The following TEX26 variants were observed in gnomAD, a reference collection of about 807,000 sequenced individuals.
TEX26 encodes testis expressed 26, also known as testis-expressed protein 26.
In TEX26, 34 loss-of-function variants were observed where a neutral mutation model predicts 35.3. The ratio of observed to expected loss-of-function variants is 0.96; its 90% confidence interval spans 0.73 to 1.28. The LOEUF (loss-of-function observed/expected upper bound fraction) is 1.28, where lower values mean the gene tolerates loss of function less well. Ranked by LOEUF, TEX26 falls within the 50% of genes most tolerant of loss-of-function variation. TEX26 has a pLI of 0.00. For missense variants in TEX26, 371 were observed against 330.1 expected (o/e 1.12, Z -0.96); for synonymous variants, 136 against 111.8 (o/e 1.22, Z -1.36).
chr13:30,951,266 G>A (rs1481563225), intron 2 of TEX26, among the ~76,000 whole-genome samples: 1 of 151,604 alleles, frequency 6.6e-6, no homozygotes, highest in East Asian at 1.9e-4. Flanking sequence ...TGAGGTGGGA[G>A]GATAGATTGA....
In TEX26 at chr13:30,975,119, C is replaced by A. The variant is rs117334907; in HGVS notation, c.*212C>A. ...TCCCTGAACATAGCTTTAGCTGTAT[C>A]CAATAGTTTTTGATACAATGTTTTT... On this transcript the variant is annotated 3_prime_UTR_variant, in exon 7 of 7. Transcript: ENST00000380473. 2,253 of 365,694 alleles carry A rather than the reference C, an allele frequency of 6.2e-3. 27 individuals are homozygous for A. Among genetic ancestry groups the A allele is most frequent in the Non-Finnish European group, 4.4e-3 (911 of 205,270 alleles). The allele number at this position is 365,694 out of a possible 1,614,324, so 22.7% of individuals were successfully genotyped here.
intron 2 of TEX26, among the ~76,000 whole-genome samples, chr13:30,946,210 A>G (rs1035739905): frequency 6.6e-6 from 1 of 151,818 alleles, no homozygotes. Flanking sequence ...TTCTAGCTCT[A>G]AAATTATTCT....
chr13:30,952,145 G>T (rs1384961441), intron 2 of TEX26, among the ~76,000 whole-genome samples: 2 of 150,528 alleles, frequency 1.3e-5, no homozygotes, highest in Non-Finnish European at 3.0e-5. Context: ...TTTTGGCAAA[G>T]ATATTTAATA....
At chr13:30,946,479 A>G (rs577340415) in intron 2 of TEX26, among the ~76,000 whole-genome samples, 30 of 152,058 alleles carry the variant, frequency 2.0e-4, no homozygotes, top group African/African-American at 7.2e-4. Context: ...CCATTGCTGG[A>G]GAGCTAGTGT....
At chr13:30,968,836 T>C in intron 5 of TEX26, 49 bp from the exon 6 acceptor site, 1 of 1,575,248 alleles carries the variant, frequency 6.3e-7, no homozygotes, top group Non-Finnish European at 8.7e-7. Flanking sequence ...AAGACTGGTG[T>C]GCTTGGGTGC....
At chr13:30,942,886 C>CTAT (rs1177333500) in intron 2 of TEX26, among the ~76,000 whole-genome samples, 2 of 152,126 alleles carry the variant, frequency 1.3e-5, no homozygotes, top group African/African-American at 2.4e-5. Context: ...CTTTTGGTAA[C>CTAT]TATAGCCTTG....
intron 4 of TEX26, among the ~76,000 whole-genome samples, chr13:30,962,681 A>G (rs1954389076): frequency 6.6e-6 from 1 of 152,232 alleles, no homozygotes; most frequent in Admixed American, 6.5e-5. Flanking sequence ...ACGACTGAGG[A>G]GCACTGAAAT....
chr13:30,954,529 G>A (rs997592078), intron 3 of TEX26, among the ~76,000 whole-genome samples: 77 of 151,764 alleles, frequency 5.1e-4, no homozygotes, highest in African/African-American at 1.7e-3. Context: ...ATCAATCAGA[G>A]GTCACTACAG....
intron 4 of TEX26, among the ~76,000 whole-genome samples, chr13:30,959,695 A>G (rs574803856): frequency 3.3e-5 from 5 of 152,176 alleles, no homozygotes; most frequent in Non-Finnish European, 7.3e-5. Flanking sequence ...TTGTACACTT[A>G]CCAAAATTTT....
chr13:30,974,366 T>G (rs979290043), intron 6 of TEX26, among the ~76,000 whole-genome samples: 1 of 152,048 alleles, frequency 6.6e-6, no homozygotes, highest in African/African-American at 2.4e-5. Context: ...TCTATTATCA[T>G]CACTGTTTAT....
At chr13:30,937,070 A>C in intron 1 of TEX26, 1 of 877,094 alleles carries the variant, frequency 1.1e-6, no homozygotes, top group Non-Finnish European at 1.4e-6. Flanking sequence ...TCAAGTGTGC[A>C]TCCAAGCAGG....
chr13:30,939,348 A>G (rs1953391057), intron 1 of TEX26, among the ~76,000 whole-genome samples: 1 of 152,254 alleles, frequency 6.6e-6, no homozygotes, highest in Non-Finnish European at 1.5e-5. Context: ...AATATGATGC[A>G]TGTAAAGTTG....
chr13:30,969,939 A>G (rs954438054), intron 6 of TEX26, among the ~76,000 whole-genome samples: 5 of 152,026 alleles, frequency 3.3e-5, no homozygotes, highest in African/African-American at 1.2e-4. Flanking sequence ...CTACTAACTT[A>G]TTGTGTGCCC....
intron 2 of TEX26, among the ~76,000 whole-genome samples, chr13:30,945,987 T>C (rs1953693631): frequency 6.6e-6 from 1 of 151,984 alleles, no homozygotes; most frequent in Non-Finnish European, 1.5e-5. Flanking sequence ...TTCTTGTATT[T>C]GGATATCTAA....
intron 4 of TEX26, among the ~76,000 whole-genome samples, chr13:30,958,754 C>T (rs1209272217): frequency 6.6e-6 from 1 of 152,158 alleles, no homozygotes; most frequent in African/African-American, 2.4e-5. Context: ...AAGTATTAAT[C>T]CCACCCCACC....
At chr13:30,967,805 C>T (rs1490822687) in intron 5 of TEX26, among the ~76,000 whole-genome samples, 1 of 152,192 alleles carries the variant, frequency 6.6e-6, no homozygotes, top group African/African-American at 2.4e-5. Flanking sequence ...GAGCAATATT[C>T]ATAATCAAAT....
At chr13:30,945,514 T>C (rs948448876) in intron 2 of TEX26, among the ~76,000 whole-genome samples, 5 of 151,268 alleles carry the variant, frequency 3.3e-5, no homozygotes, top group African/African-American at 1.2e-4. Flanking sequence ...AGATACTTTG[T>C]TTTTTTTCAT....
chr13:30,961,714 A>C (rs898328960), intron 4 of TEX26, among the ~76,000 whole-genome samples: 1 of 152,116 alleles, frequency 6.6e-6, no homozygotes, highest in South Asian at 2.1e-4. Flanking sequence ...TGCTCCTTTC[A>C]AGGTCTGCAA....
At chr13:30,968,512 G>A (rs1470696538) in intron 5 of TEX26, among the ~76,000 whole-genome samples, 2 of 152,148 alleles carry the variant, frequency 1.3e-5, no homozygotes, top group African/African-American at 4.8e-5. Context: ...CCATCTCAAC[G>A]TATATCAAAG....
Sources: allele counts gnomAD v4.1 joint callset (sites outside exome capture counted in the v4.1 genomes callset), GRCh38; gene constraint gnomAD v4.1.1; transcripts MANE v1.5; gene names NCBI Gene and HGNC (gene_info 2026-07-23, HGNC 2026-07-21).